Variants in ANKRD34B observed in about 807,000 individuals in gnomAD.
ANKRD34B encodes the protein ankyrin repeat domain 34B, also known as ankyrin repeat domain-containing protein 34B.
A neutral mutation model predicts 4.4 loss-of-function variants in ANKRD34B; 2 were observed. The observed-to-expected ratio is 0.46, with a 90% CI of 0.19 to 1.44. The LOEUF (loss-of-function observed/expected upper bound fraction) is 1.44. ANKRD34B is among the 40% of genes most tolerant of loss of function. The probability of loss-of-function intolerance (pLI) is 0.26; values close to 1 mark genes in which losing one functional copy is unlikely to be tolerated. For missense variants in ANKRD34B, 558 were observed against 604.7 expected (o/e 0.92, Z 0.81); for synonymous variants, 226 against 227.1 (o/e 0.99, Z 0.05).
chr5:80,559,523 T>C lies in ANKRD34B; in HGVS notation c.497A>G (p.Tyr166Cys). 6.2e-7 allele frequency: 1 copy of C among 1,614,206 alleles called. No homozygotes were observed. Among genetic ancestry groups the C allele is most frequent in the Non-Finnish European group, 8.5e-7 (1 of 1,180,032 alleles). Reference sequence around the variant, plus strand: ...TATATCCACAGGAGGCATATTTAAGTATTGTTTAGTAGTATGCTTCCCACA... The same window carrying C: ...TATATCCACAGGAGGCATATTTAAGCATTGTTTAGTAGTATGCTTCCCACA... ...LPCGKHTTKQYLNMPPVDIDG... is the reference protein window; with the variant it reads ...LPCGKHTTKQCLNMPPVDIDG... The change falls in exon 5 of 5, where the codon TAC becomes TGC. Residue 166 changes from tyrosine (Y) to cysteine (C), a missense_variant. Coordinates refer to ENST00000338682, the MANE Select transcript of ANKRD34B (RefSeq NM_001004441.3).
intron 3 of ANKRD34B, 35 bp from the exon 4 acceptor site, chr5:80,563,850 A>G (rs1364127463): frequency 2.6e-5 from 4 of 152,254 alleles, no homozygotes. Flanking sequence ...TGATCACAAA[A>G]GGATCATTTT....
rs1467770195 is a variant in ANKRD34B, at chr5:80,558,713, G to C, written c.1307C>G (p.Pro436Arg). 6.2e-7 allele frequency: 1 copy of C among 1,614,140 alleles called. No individual in the cohort carries two copies. The highest frequency in any genetic ancestry group is 1.7e-5 in the Admixed American group (1 of 60,026). ...VLERRGSGAF[P>R]LDHSVTQTRQ... ...GGTTTGGGTAACACTGTGATCTAAA[G>C]GGAAAGCTCCTGAACCTCGCCTTTC... Residue 436 changes from proline (P) to arginine (R), a missense_variant, in exon 5 of 5, where the codon CCT (proline) becomes CGT (arginine). Transcript: ENST00000338682.
At chr5:80,562,889 G>C (rs1746446737) in intron 4 of ANKRD34B, among the ~76,000 whole-genome samples, 1 of 151,828 alleles carries the variant, frequency 6.6e-6, no homozygotes, top group African/African-American at 2.4e-5. Context: ...ACCATGAGCA[G>C]CCACACCAAA....
At chr5:80,565,468 A>G (rs1746537002) in intron 3 of ANKRD34B, among the ~76,000 whole-genome samples, 1 of 152,230 alleles carries the variant, frequency 6.6e-6, no homozygotes, top group Non-Finnish European at 1.5e-5. Context: ...CAGGCATCCG[A>G]CAGGTGTCAA....
chr5:80,559,337 G>T lies in ANKRD34B; in HGVS notation c.683C>A (p.Ser228Tyr). ...GSNDDTWDPG[S>Y]PVRKPALAPK... ...GGCCAATGCAGGTTTCCTCACAGGG[G>T]AACCTGGGTCCCAGGTATCATCATT... Residue 228 changes from serine (S) to tyrosine (Y), a missense_variant, in exon 5 of 5, where the codon TCC becomes TAC. By Grantham distance (144) the Ser-to-Tyr change is moderately radical (BLOSUM62 -2). Coordinates refer to ENST00000338682, the MANE Select transcript of ANKRD34B (RefSeq NM_001004441.3). The T allele has an allele frequency of 6.2e-7, 1 of 1,614,178 alleles. No individual in the cohort carries two copies. The highest frequency in any genetic ancestry group is 8.5e-7 in the Non-Finnish European group (1 of 1,180,022).
chr5:80,562,378 G>T (rs970862842), intron 4 of ANKRD34B, among the ~76,000 whole-genome samples: 25 of 152,106 alleles, frequency 1.6e-4, no homozygotes, highest in Non-Finnish European at 3.2e-4. Context: ...GGAGATAGAA[G>T]ACTACCCCTC....
At chr5:80,566,585 A>G (rs1746574154) in intron 3 of ANKRD34B, 104 bp downstream of exon 3, 1 of 152,634 alleles carries the variant, frequency 6.6e-6, no homozygotes, top group African/African-American at 2.4e-5. Context: ...GCATCTTGGA[A>G]AGATGAGCCC....
chr5:80,560,009 C>T lies in ANKRD34B; in HGVS notation c.11G>A (p.Gly4Asp), dbSNP rs761273142. The change falls in exon 5 of 5, where the codon GGT (glycine) becomes GAT (aspartate). Residue 4 changes from glycine (G) to aspartate (D), a missense_variant. Coordinates refer to ENST00000338682, the MANE Select transcript of ANKRD34B (RefSeq NM_001004441.3). MDEGMEISSEGNSL... is the reference protein window; with the variant it reads MDEDMEISSEGNSL... ...ATTTCCTTCACTTGAAATTTCCATA[C>T]CTTCATCCATCTTCGGAGGTTAGAA... 1 of 1,582,946 alleles carries T rather than the reference C, an allele frequency of 6.3e-7. No homozygotes were observed. Among genetic ancestry groups the T allele is most frequent in the Non-Finnish European group, 8.6e-7 (1 of 1,164,326 alleles).
At position 80,558,509 on chromosome 5, in the gene ANKRD34B, T is replaced by G. The variant is rs1746312492; in HGVS notation, c.1511A>C (p.Gln504Pro). 1 of 1,613,396 alleles carries G rather than the reference T, an allele frequency of 6.2e-7. No individual in the cohort carries two copies. Among genetic ancestry groups the G allele is most frequent in the Non-Finnish European group, 8.5e-7 (1 of 1,179,642 alleles). Residue 504 changes from glutamine to proline, a missense_variant, in exon 5 of 5, where the codon CAA becomes CCA. By Grantham distance (76) the Gln-to-Pro change is moderately conservative. Transcript: ENST00000338682. ...KKMLLRRQSL[Q>P]TEQIKQLVNF ...TACTAATTGCTTAATTTGTTCAGTT[T>G]GCAATGATTGTCTCCTTAACAACAT...
At chr5:80,562,149 T>C (rs552257644) in intron 4 of ANKRD34B, among the ~76,000 whole-genome samples, 2 of 150,730 alleles carry the variant, frequency 1.3e-5, no homozygotes, top group East Asian at 4.0e-4. Flanking sequence ...AGCTGTCAGA[T>C]AAGCAGTTAG....
chr5:80,562,055 G>GTA (rs1746420344), intron 4 of ANKRD34B, among the ~76,000 whole-genome samples: 1 of 49,346 alleles, frequency 2.0e-5, no homozygotes, highest in Non-Finnish European at 5.0e-5. Context: ...GACTCAGCGT[G>GTA]TGTGTGTGTG....
chr5:80,563,643 T>C (rs903086900), intron 4 of ANKRD34B, 92 bp downstream of exon 4: 1 of 152,230 alleles, frequency 6.6e-6, no homozygotes, highest in Non-Finnish European at 1.5e-5. Context: ...AACTACTCAA[T>C]ATATACATAC....
chr5:80,558,509 T>A lies in ANKRD34B; in HGVS notation c.1511A>T (p.Gln504Leu). 6.2e-7 allele frequency: 1 copy of A among 1,613,514 alleles called. No homozygotes were observed. Among genetic ancestry groups the A allele is most frequent in the East Asian group, 2.2e-5 (1 of 44,888 alleles). ...TACTAATTGCTTAATTTGTTCAGTT[T>A]GCAATGATTGTCTCCTTAACAACAT... ...KKMLLRRQSLQTEQIKQLVNF is the reference protein window; with the variant it reads ...KKMLLRRQSLLTEQIKQLVNF Residue 504 changes from glutamine to leucine, a missense_variant, in exon 5 of 5, where the codon CAA becomes CTA. Gln to Leu is a moderately radical substitution (Grantham distance 113, BLOSUM62 -2). Transcript: ENST00000338682.
At chr5:80,562,631 C>T (rs560793596) in intron 4 of ANKRD34B, among the ~76,000 whole-genome samples, 1 of 152,314 alleles carries the variant, frequency 6.6e-6, no homozygotes, top group African/African-American at 2.4e-5. Flanking sequence ...GACATGCCAC[C>T]CAGGTCGTAC....
chr5:80,557,314 C>T lies in ANKRD34B; in HGVS notation c.*1161G>A, dbSNP rs1364603381. 4 of 151,888 alleles carry T rather than the reference C, an allele frequency of 2.6e-5. No homozygotes were observed. Among genetic ancestry groups the T allele is most frequent in the Admixed American group, 2.0e-4 (3 of 15,246 alleles). 9.4% of individuals were successfully genotyped at this position (151,888 alleles called of 1,614,324 possible). A position where few individuals can be genotyped will look rare whatever the true frequency, so the allele number is the denominator to read the frequency against. On this transcript the variant is annotated 3_prime_UTR_variant, in exon 5 of 5. Transcript: ENST00000338682. Reference sequence around the variant, plus strand: ...CATTAATTTTGTTGGAAGTTATTCACAGGTCCTAAAATACTAAATGATTGG... The same window carrying T: ...CATTAATTTTGTTGGAAGTTATTCATAGGTCCTAAAATACTAAATGATTGG...
At position 80,559,868 on chromosome 5, in the gene ANKRD34B, C is replaced by A. The variant is rs1196661568; in HGVS notation, c.152G>T (p.Cys51Phe). Residue 51 changes from cysteine to phenylalanine, a missense_variant, in exon 5 of 5, where the codon TGT becomes TTT. By Grantham distance (205) the Cys-to-Phe change is radical. Coordinates refer to ENST00000338682, the MANE Select transcript of ANKRD34B (RefSeq NM_001004441.3). ...CTGGTGATCGACATGTTTGGTCTTACAAGCGATCATTAAAGGGGTTTCCCC... is the reference window on the plus strand; with the variant it reads ...CTGGTGATCGACATGTTTGGTCTTAAAAGCGATCATTAAAGGGGTTTCCCC... ...DRGETPLMIA[C>F]KTKHVDHQSV... 1.9e-6 allele frequency: 3 copies of A among 1,614,218 alleles called. No individual in the cohort carries two copies.
chr5:80,562,290 C>T lies in ANKRD34B; in HGVS notation c.-24+1445G>A, dbSNP rs576765011. 2.0e-5 allele frequency among the ~76,000 whole-genome samples: 3 copies of T among 152,110 alleles called. No homozygotes were observed. The East Asian group carries it at 5.8e-4, about 29-fold the overall frequency. On this transcript the variant is annotated intron_variant, in intron 4 of 4. Transcript: ENST00000338682. ...CACAGCCTATATTTTAACAAGATCC[C>T]CAGGTGATTTGTATGCACATTAAGG... is the stretch of plus-strand genomic sequence containing the variant.
chr5:80,561,264 C>T lies in ANKRD34B; in HGVS notation c.-23-1222G>A, dbSNP rs996001989. On this transcript the variant is annotated intron_variant, in intron 4 of 4. Transcript: ENST00000338682. ...AAGAAAATTTTTGTCTTTTAACAGT[C>T]CTTAGAGTTGGGAGGGGGAGAATCA... 1.5e-3 allele frequency among the ~76,000 whole-genome samples: 230 copies of T among 151,900 alleles called. 1 individual carries two copies. The highest frequency in any genetic ancestry group is 5.1e-3 in the African/African-American group (213 of 41,406).
Position 80,559,830 on chromosome 5 carries a change from C to T in ANKRD34B, c.190G>A (p.Ala64Thr). The T allele has an allele frequency of 6.8e-6, 11 of 1,614,212 alleles. No homozygotes were observed. Among genetic ancestry groups the T allele is most frequent in the Non-Finnish European group, 9.3e-6 (11 of 1,180,032 alleles). The part of the protein sequence containing the change: ...KHVDHQSVSK[A>T]KMVKYLLENN... ...TCTAACAGGTATTTCACCATTTTGG[C>T]TTTACTGACACTCTGGTGATCGACA... is the stretch of plus-strand genomic sequence containing the variant. The change falls in exon 5 of 5, where the codon GCC (alanine) becomes ACC (threonine). Residue 64 changes from alanine to threonine, a missense_variant. Transcript: ENST00000338682.
Sources: allele counts gnomAD v4.1 joint callset (sites outside exome capture counted in the v4.1 genomes callset), GRCh38; gene constraint gnomAD v4.1.1; transcripts MANE v1.5; gene names NCBI Gene and HGNC (gene_info 2026-07-23, HGNC 2026-07-21).